SETD1A: variants seen among roughly 807,000 people sequenced by gnomAD.
SETD1A encodes the protein SET domain containing 1A, histone lysine methyltransferase.
SETD1A carries 29 observed loss-of-function variants against 149.9 expected under a neutral mutation model. The observed-to-expected ratio is 0.19, with a 90% CI of 0.14 to 0.26. SETD1A has a LOEUF of 0.26. Ranked by LOEUF, SETD1A falls within the 10% of genes least tolerant of loss-of-function variation. The pLI, the probability that SETD1A is intolerant of heterozygous loss-of-function variation, is 1.00. For synonymous variants in SETD1A, 1,141 were observed against 968.5 expected, an observed-to-expected ratio of 1.18 and a Z score of -3.31; for missense variants, 2,109 against 2,353.1, an observed-to-expected ratio of 0.90 and a Z score of 2.15.
Position 30,971,516 on chromosome 16 carries a change from C to G in SETD1A, c.3155C>G (p.Ser1052Cys), listed in dbSNP as rs2056224161. Residue 1052 changes from serine (S) to cysteine (C), a missense_variant, in exon 13 of 19, where the codon TCC (serine) becomes TGC (cysteine). Coordinates refer to ENST00000262519, the MANE Select transcript of SETD1A (RefSeq NM_014712.3). ...SSSSSSSSSS[S>C]SSSSSSESSS... ...TCCTCCTCCTCCTCGTCCTCATCCT[C>G]CTCGTCCTCTTCATCCTCTGAGTCC... 6.2e-7 allele frequency: 1 copy of G among 1,613,842 alleles called. No individual in the cohort carries two copies.
intron 2 of SETD1A, 82 bp downstream of exon 2, chr16:30,958,963 A>T: frequency 3.2e-6 from 5 of 1,559,950 alleles, no homozygotes; most frequent in Non-Finnish European, 4.4e-6. Flanking sequence ...CTAGAACGGT[A>T]GCCTGCCTTC....
At chr16:30,963,984 T>TC (rs2056093532) in intron 5 of SETD1A, 110 bp from the exon 6 acceptor site, 1 of 882,258 alleles carries the variant, frequency 1.1e-6, no homozygotes, top group South Asian at 1.6e-5. Context: ...AGAGCGAGAC[T>TC]CCGTCTCAAA....
chr16:30,981,231 A>C (rs758467118), intron 17 of SETD1A, 51 bp downstream of exon 17: 2 of 1,607,134 alleles, frequency 1.2e-6, no homozygotes, highest in East Asian at 4.5e-5. Context: ...ACAAGACAGC[A>C]TGGGGGCTCA....
Position 30,969,448 on chromosome 16 carries a change from T to G in SETD1A, c.2914T>G (p.Ser972Ala). Residue 972 changes from serine to alanine, a missense_variant, in exon 11 of 19, where the codon TCC becomes GCC. By Grantham distance (99) the Ser-to-Ala change is moderately conservative. Transcript: ENST00000262519. ...DSEGEEASQE[S>A]SSEKDEEDDE... ...CGAAGGGGAGGAGGCATCCCAGGAG[T>G]CCTCCTCGGAGAAGGTGAGGGCCCG... 2 of 1,611,196 alleles carry G rather than the reference T, an allele frequency of 1.2e-6. No individual in the cohort carries two copies. The highest frequency in any genetic ancestry group is 8.5e-7 in the Non-Finnish European group (1 of 1,178,570).
Position 30,967,027 on chromosome 16 carries a change from G to A in SETD1A, c.2649G>A (p.Gly883=), listed in dbSNP as rs148878209. The change falls in exon 9 of 19, where the codon GGG becomes GGA. Residue 883 remains glycine (G), a synonymous_variant. Transcript: ENST00000262519. ...TCGAGGCTTTCGCCTTTGGGTCAGGGCTGAGAGGGGCCCTGCGGCTGCCTT... is the reference window on the plus strand; with the variant it reads ...TCGAGGCTTTCGCCTTTGGGTCAGGACTGAGAGGGGCCCTGCGGCTGCCTT... ...TGIEAFAFGS[G]LRGALRLPSF... The A allele has an allele frequency of 2.2e-4, 359 of 1,598,940 alleles. 1 individual carries two copies. In the African/African-American group the frequency reaches 3.1e-3, roughly 14 times the overall value.
At position 30,980,378 on chromosome 16, in the gene SETD1A, C is replaced by T; in HGVS notation, c.4409-107C>T. On this transcript the variant is annotated intron_variant, in intron 14 of 18. Coordinates refer to ENST00000262519, the MANE Select transcript of SETD1A (RefSeq NM_014712.3). This position sits in a 1 kb window ranked among gnomAD's most constrained non-coding sequence, Gnocchi z 7.7. ...AGGAACGATGGGGCTGGGGCTTCCT[C>T]CCCTGTCCCTCACCTGGGTATGCTC... is the stretch of plus-strand genomic sequence containing the variant. 1 of 1,474,624 alleles carries T rather than the reference C, an allele frequency of 6.8e-7. No homozygotes were observed. The allele number at this position is 1,474,624 out of a possible 1,614,324, so 91.3% of individuals were successfully genotyped here.
chr16:30,984,041 G>GC lies in SETD1A; in HGVS notation c.*21dup. The GC allele has an allele frequency of 6.2e-7, 1 of 1,605,060 alleles. No individual in the cohort carries two copies. Among genetic ancestry groups the GC allele is most frequent in the Non-Finnish European group, 8.5e-7 (1 of 1,175,380 alleles). ...TAAACTGAGGTGGGGCAGGATGGGTGCCCACACCCCTATTTATTCCCCCTG... is the reference window on the plus strand; with the variant it reads ...TAAACTGAGGTGGGGCAGGATGGGTGCCCCACACCCCTATTTATTCCCCCTG... On this transcript the variant is annotated 3_prime_UTR_variant, in exon 19 of 19. Coordinates refer to ENST00000262519, the MANE Select transcript of SETD1A (RefSeq NM_014712.3).
rs1399524834 is a variant in SETD1A, at chr16:30,964,204, C to T, written c.750C>T (p.Ser250=). The T allele has an allele frequency of 2.5e-6, 4 of 1,614,036 alleles. No individual in the cohort carries two copies. Among genetic ancestry groups the T allele is most frequent in the Middle Eastern group, 1.6e-4 (1 of 6,084 alleles). The change falls in exon 6 of 19, where the codon TCC becomes TCT. Residue 250 remains serine (S), a synonymous_variant. Transcript: ENST00000262519. ...GTPCSQDTSF[S]SSRQDTPSSF... is the part of the protein sequence containing the mutation. The stretch of plus-strand genomic sequence containing the variant: ...CCTGCTCCCAGGACACAAGCTTCTC[C>T]AGCAGCCGACAAGATACCCCATCTT...
chr16:30,965,118 C>T lies in SETD1A; in HGVS notation c.1376C>T (p.Ser459Phe). The change falls in exon 7 of 19, where the codon TCC (serine) becomes TTC (phenylalanine). Residue 459 changes from serine to phenylalanine, a missense_variant. Ser to Phe is a radical substitution (Grantham distance 155). Around this residue, in one of 8 missense-constraint regions of SETD1A, gnomAD observed 410 missense variants for 394.8 expected, o/e 1.04. Coordinates refer to ENST00000262519, the MANE Select transcript of SETD1A (RefSeq NM_014712.3). ...CCTGAGAGAGAAGAAGTTCGGACTT[C>T]CCCCCGCCCAGCCTCCCCTGCCCGC... ...PSPEREEVRT[S>F]PRPASPARSG... 6.2e-7 allele frequency: 1 copy of T among 1,611,574 alleles called. No homozygotes were observed.
intron 13 of SETD1A, among the ~76,000 whole-genome samples, chr16:30,978,082 T>C (rs1052557993): frequency 1.3e-5 from 2 of 151,582 alleles, no homozygotes; most frequent in East Asian, 3.9e-4. Flanking sequence ...GAGACCATCC[T>C]GGCCAACATG....
intron 17 of SETD1A, among the ~76,000 whole-genome samples, chr16:30,982,577 G>T (rs948654411): frequency 6.6e-6 from 1 of 152,108 alleles, no homozygotes; most frequent in African/African-American, 2.4e-5. Context: ...AGCCCAGACC[G>T]CACGGGCTTG....
rs1405026667 is a variant in SETD1A, at chr16:30,964,639, G to A, written c.897G>A (p.Arg299=). Residue 299 remains arginine (R), a synonymous_variant, in exon 7 of 19, where the codon CGG becomes CGA. Transcript: ENST00000262519. ...CCACTTCAACCTCCTTCAAGCCCCG[G>A]CGGTCAGAGAACAGCTACCAAGATG... The part of the protein sequence containing the change: ...SSTTSTSFKP[R]RSENSYQDAF... 6 of 1,613,458 alleles carry A rather than the reference G, an allele frequency of 3.7e-6. No individual in the cohort carries two copies. The Admixed American group carries it at 6.7e-5, about 18-fold the overall frequency.
intron 3 of SETD1A, among the ~76,000 whole-genome samples, chr16:30,960,730 C>CTTTTTTTTTTTTTTTTTT (rs71374043): frequency 4.2e-4 from 34 of 80,542 alleles, no homozygotes; most frequent in Middle Eastern, 0.013. Flanking sequence ...TTCTTTCTTT[C>CTTTTTTTTTTTTTTTTTT]TTTTTTTTTT....
intron 17 of SETD1A, 113 bp downstream of exon 17, chr16:30,981,293 C>T (rs2056374750): frequency 7.2e-7 from 1 of 1,397,378 alleles, no homozygotes; most frequent in Non-Finnish European, 9.8e-7. Flanking sequence ...AACCCCGGTA[C>T]CTAGCCAGTG....
chr16:30,978,777 G>A (rs549394763), intron 13 of SETD1A, among the ~76,000 whole-genome samples: 8 of 152,354 alleles, frequency 5.3e-5, no homozygotes, highest in African/African-American at 1.9e-4. Context: ...TGGGCACAGG[G>A]CTGTCCCGCC....
Position 30,980,631 on chromosome 16 carries a change from C to T in SETD1A, c.4555C>T (p.Arg1519Trp), listed in dbSNP as rs751406589. 2.1e-5 allele frequency: 34 copies of T among 1,613,408 alleles called. No homozygotes were observed. Among genetic ancestry groups the T allele is most frequent in the Admixed American group, 5.0e-5 (3 of 60,000 alleles). Reference sequence around the variant, plus strand: ...CCTGGACGTGTGCCCAGTCTCGGCCCGGCAGCTGGAGGGCGTGGACACTCA... The same window carrying T: ...CCTGGACGTGTGCCCAGTCTCGGCCTGGCAGCTGGAGGGCGTGGACACTCA... ...KYLDVCPVSA[R>W]QLEGVDTQGT... Residue 1519 changes from arginine to tryptophan, a missense_variant, in exon 15 of 19, where the codon CGG (arginine) becomes TGG (tryptophan). Physicochemically the swap from Arg to Trp is moderately radical, Grantham distance 101 (BLOSUM62 -3). Coordinates refer to ENST00000262519, the MANE Select transcript of SETD1A (RefSeq NM_014712.3). The surrounding 1 kb of genome is among the most constrained non-coding windows in gnomAD (Gnocchi z 7.7).
Position 30,957,770 on chromosome 16 carries a change from G to T in SETD1A, c.-210G>T, listed in dbSNP as rs1241355460. 1.3e-5 allele frequency: 2 copies of T among 152,226 alleles called. No individual in the cohort carries two copies. The highest frequency in any genetic ancestry group is 4.8e-5 in the African/African-American group (2 of 41,472). The allele number at this position is 152,226 out of a possible 1,614,324, so 9.4% of individuals were successfully genotyped here. A position where few individuals can be genotyped will look rare whatever the true frequency, so the allele number is the denominator to read the frequency against. On this transcript the variant is annotated 5_prime_UTR_variant, in exon 1 of 19. Coordinates refer to ENST00000262519, the MANE Select transcript of SETD1A (RefSeq NM_014712.3). ...CGCCGATTCGTCAAGGTCCCGGGCC[G>T]CAGCATCTAGATCGTCGTGGCGAAG...
rs2056263309 is a variant in SETD1A, at chr16:30,974,697, C to G, written c.3358+2978C>G. Among the ~76,000 whole-genome samples the G allele has an allele frequency of 1.3e-5, 2 of 152,124 alleles. 1 individual carries two copies. The highest frequency in any genetic ancestry group is 2.9e-5 in the Non-Finnish European group (2 of 68,022). On this transcript the variant is annotated intron_variant, in intron 13 of 18. Coordinates refer to ENST00000262519, the MANE Select transcript of SETD1A (RefSeq NM_014712.3). Reference sequence around the variant, plus strand: ...GGCAGTTTTCTGGAAGGGTGGACCACTCTTGCTGAGATAGAAAGGAGAGTT... The same window carrying G: ...GGCAGTTTTCTGGAAGGGTGGACCAGTCTTGCTGAGATAGAAAGGAGAGTT...
chr16:30,979,114 C>G (rs1361971544), intron 13 of SETD1A, 31 bp from the exon 14 acceptor site: 1 of 1,511,086 alleles, frequency 6.6e-7, no homozygotes, highest in African/African-American at 1.4e-5. Context: ...TCTCCCTGAC[C>G]TCCTTTCCTT....
Sources: gnomAD v4.1 joint callset for allele counts (sites outside exome capture counted in the v4.1 genomes callset) on GRCh38, gnomAD v4.1.1 for gene constraint, gnomAD v4.1.1 regional missense constraint, Gnocchi (gnomAD v3.1) non-coding constraint, MANE v1.5 for transcripts, NCBI Gene and HGNC (gene_info 2026-07-23, HGNC 2026-07-21) for gene names.